The following CADM2 variants were observed in gnomAD, a reference collection of about 807,000 sequenced individuals.
CADM2 encodes the protein immunoglobulin superfamily member 4D.
In CADM2, 12 loss-of-function variants were observed where a neutral mutation model predicts 49.8. That is an observed-to-expected ratio of 0.24 (90% CI 0.15 to 0.39). CADM2 has a LOEUF of 0.39. CADM2 is among the 10% of genes least tolerant of loss of function. The pLI, the probability that CADM2 is intolerant of heterozygous loss-of-function variation, is 1.00. For synonymous variants in CADM2, 214 were observed against 175.4 expected (o/e 1.22, Z -1.74); for missense variants, 378 against 492.3 (o/e 0.77, Z 2.20).
intron 3 of CADM2, among the ~76,000 whole-genome samples, chr3:85,854,744 C>G (rs975634284): frequency 6.6e-6 from 1 of 151,994 alleles, no homozygotes; most frequent in African/African-American, 2.4e-5. Flanking sequence ...CAAGCCTGCA[C>G]GTTCTGCATA....
chr3:85,775,060 C>T (rs2070292418), intron 2 of CADM2, among the ~76,000 whole-genome samples: 1 of 151,586 alleles, frequency 6.6e-6, no homozygotes, highest in African/African-American at 2.4e-5. Context: ...TACTATAGCA[C>T]TTTTATCATG....
At chr3:85,719,033 C>T (rs2067406219) in intron 1 of CADM2, among the ~76,000 whole-genome samples, 1 of 151,726 alleles carries the variant, frequency 6.6e-6, no homozygotes, top group African/African-American at 2.4e-5. Context: ...CTGTCTCAGC[C>T]ACCCAAGTAG....
chr3:85,692,353 C>G (rs923184464), intron 1 of CADM2, among the ~76,000 whole-genome samples: 3 of 152,022 alleles, frequency 2.0e-5, no homozygotes, highest in Non-Finnish European at 2.9e-5. Flanking sequence ...CAGGACCTAG[C>G]AAATCCGTAT....
intron 1 of CADM2, among the ~76,000 whole-genome samples, chr3:85,400,261 G>A (rs754525386): frequency 2.6e-5 from 4 of 152,048 alleles, no homozygotes; most frequent in Non-Finnish European, 4.4e-5. Flanking sequence ...TTATTGATTT[G>A]CATATGTTGA....
At chr3:85,000,749 A>T (rs2033423471) in intron 1 of CADM2, among the ~76,000 whole-genome samples, 1 of 151,850 alleles carries the variant, frequency 6.6e-6, no homozygotes, top group Non-Finnish European at 1.5e-5. Flanking sequence ...ACATTTTTGT[A>T]TGTATGTGTT....
intron 1 of CADM2, among the ~76,000 whole-genome samples, chr3:85,151,699 G>T (rs753223273): frequency 6.6e-6 from 1 of 152,144 alleles, no homozygotes; most frequent in Non-Finnish European, 1.5e-5. Flanking sequence ...TGGGTGGTTT[G>T]TAAATAACAA....
intron 1 of CADM2, among the ~76,000 whole-genome samples, chr3:85,707,112 A>G (rs1462972389): frequency 6.6e-6 from 1 of 152,084 alleles, no homozygotes; most frequent in Non-Finnish European, 1.5e-5. Flanking sequence ...GACTACAGGC[A>G]TGAGCCACCA....
chr3:85,201,794 C>A (rs2041509443), intron 1 of CADM2, among the ~76,000 whole-genome samples: 1 of 152,056 alleles, frequency 6.6e-6, no homozygotes, highest in Non-Finnish European at 1.5e-5. Flanking sequence ...TAAGAAGCAA[C>A]TCCTCAGGCT....
At chr3:85,899,264 C>A (rs1011100532) in intron 5 of CADM2, among the ~76,000 whole-genome samples, 1 of 151,894 alleles carries the variant, frequency 6.6e-6, no homozygotes, top group African/African-American at 2.4e-5. Flanking sequence ...CCGCACTCAG[C>A]AATATTACTA....
At chr3:84,993,317 T>C (rs1314025385) in intron 1 of CADM2, among the ~76,000 whole-genome samples, 1 of 152,128 alleles carries the variant, frequency 6.6e-6, no homozygotes, top group Non-Finnish European at 1.5e-5. Context: ...TTAACTGGAA[T>C]ATTTTGATGC....
chr3:85,089,259 AT>A (rs1559654506), intron 1 of CADM2, among the ~76,000 whole-genome samples: 1 of 152,132 alleles, frequency 6.6e-6, no homozygotes, highest in Non-Finnish European at 1.5e-5. Context: ...TTTAAAAAAA[AT>A]AACTTTCAGA....
intron 2 of CADM2, among the ~76,000 whole-genome samples, chr3:85,766,699 A>G (rs2107924808): frequency 6.6e-6 from 1 of 152,290 alleles, no homozygotes; most frequent in East Asian, 1.9e-4. Context: ...TATTTTCCTG[A>G]AATGCTTCTG....
At chr3:85,218,750 T>C (rs889593145) in intron 1 of CADM2, among the ~76,000 whole-genome samples, 11 of 152,134 alleles carry the variant, frequency 7.2e-5, no homozygotes, top group African/African-American at 2.4e-4. Flanking sequence ...GAGCCGAGAT[T>C]ACGCCCACTG....
At position 85,142,947 on chromosome 3, in the gene CADM2, T is replaced by G. The variant is rs189254905; in HGVS notation, c.61+183279T>G. ...GTTTGGAAAGTAATTATTTTTCCAA[T>G]TTGCCTTATTATCCCATTTTATAAA... On this transcript the variant is annotated intron_variant, in intron 1 of 9. Transcript: ENST00000383699. Among the ~76,000 whole-genome samples, 132 of 152,334 alleles carry G rather than the reference T, an allele frequency of 8.7e-4. No individual in the cohort carries two copies. In the East Asian group the frequency reaches 0.023, roughly 26 times the overall value.
chr3:85,193,179 C>A (rs996228361), intron 1 of CADM2, among the ~76,000 whole-genome samples: 2 of 151,964 alleles, frequency 1.3e-5, no homozygotes, highest in Non-Finnish European at 2.9e-5. Context: ...GAGACATTTT[C>A]TGAAAGATTC....
intron 3 of CADM2, among the ~76,000 whole-genome samples, chr3:85,806,751 AAAAC>A (rs973539191): frequency 1.3e-5 from 2 of 150,720 alleles, no homozygotes; most frequent in Admixed American, 6.6e-5. Context: ...AAAACAAAAC[AAAAC>A]AAACAAACAA....
intron 1 of CADM2, among the ~76,000 whole-genome samples, chr3:85,381,461 GTATATATAAAGTA>G (rs1297666778): frequency 1.4e-5 from 2 of 146,360 alleles, no homozygotes; most frequent in Admixed American, 1.4e-4. Context: ...TATATAAACT[GTATATATAAAGTA>G]TATATATAAA....
At chr3:85,395,611 A>T (rs1325635350) in intron 1 of CADM2, among the ~76,000 whole-genome samples, 1 of 152,140 alleles carries the variant, frequency 6.6e-6, no homozygotes, top group African/African-American at 2.4e-5. Context: ...TCAGAAGAAT[A>T]AAAACATGGG....
chr3:85,395,622 A>G (rs925857157), intron 1 of CADM2, among the ~76,000 whole-genome samples: 2 of 152,096 alleles, frequency 1.3e-5, no homozygotes, highest in African/African-American at 4.8e-5. Context: ...AAAACATGGG[A>G]ATATATAAAC....
Sources: allele counts gnomAD v4.1 joint callset (sites outside exome capture counted in the v4.1 genomes callset), GRCh38; gene constraint gnomAD v4.1.1; transcripts MANE v1.5; gene names NCBI Gene and HGNC (gene_info 2026-07-23, HGNC 2026-07-21).